KHDRBS2: variants seen among roughly 807,000 people sequenced by gnomAD.
The protein encoded by KHDRBS2 is KH domain-containing, RNA-binding, signal transduction-associated protein 2.
KHDRBS2 carries 26 observed loss-of-function variants against 44.3 expected under a neutral mutation model. That is an observed-to-expected ratio of 0.59 (90% CI 0.43 to 0.81). The LOEUF is 0.81. Ranked by LOEUF, KHDRBS2 falls within the 40% of genes least tolerant of loss-of-function variation. The probability of loss-of-function intolerance (pLI) is 0.00; values close to 1 mark genes in which losing one functional copy is unlikely to be tolerated. For missense variants in KHDRBS2, 476 were observed against 433.1 expected (o/e 1.10, Z -0.88); for synonymous variants, 194 against 151.1 (o/e 1.28, Z -2.08).
chr6:61,819,186 A>C (rs1789478298), intron 6 of KHDRBS2, among the ~76,000 whole-genome samples: 1 of 152,042 alleles, frequency 6.6e-6, no homozygotes, highest in Non-Finnish European at 1.5e-5. Context: ...AAACTATAAA[A>C]TGATTTCATT....
the KHDRBS2 span, among the ~76,000 whole-genome samples, chr6:61,646,595 T>TTA: frequency 6.6e-6 from 1 of 152,178 alleles, no homozygotes; most frequent in East Asian, 1.9e-4. Context: ...TTTCTTGAAC[T>TTA]TATAAAGTTG....
At chr6:62,019,252 A>G (rs1781810473) in intron 3 of KHDRBS2, among the ~76,000 whole-genome samples, 1 of 152,080 alleles carries the variant, frequency 6.6e-6, no homozygotes, top group South Asian at 2.1e-4. Flanking sequence ...TGTTAACTGC[A>G]GGTTTTGCAT....
the KHDRBS2 span, among the ~76,000 whole-genome samples, chr6:61,628,602 C>A: frequency 2.0e-5 from 3 of 152,136 alleles, no homozygotes; most frequent in South Asian, 2.1e-4. Context: ...CTCCACTGAC[C>A]AAACAGTGCC....
intron 3 of KHDRBS2, among the ~76,000 whole-genome samples, chr6:62,019,036 T>C (rs1272105692): frequency 1.3e-5 from 2 of 152,196 alleles, no homozygotes; most frequent in East Asian, 1.9e-4. Flanking sequence ...TTATGTTAAA[T>C]AGATAGTAAC....
intron 2 of KHDRBS2, among the ~76,000 whole-genome samples, chr6:62,078,377 T>C (rs892701147): frequency 3.1e-4 from 47 of 152,182 alleles, no homozygotes; most frequent in African/African-American, 1.1e-3. Flanking sequence ...GTTACATGGC[T>C]TTATCAGAGA....
chr6:61,961,380 A>G (rs899156723), intron 4 of KHDRBS2, among the ~76,000 whole-genome samples: 5 of 151,696 alleles, frequency 3.3e-5, no homozygotes, highest in Admixed American at 6.6e-5. Context: ...GAAGGAAAGA[A>G]GGGAAGAAAG....
chr6:61,641,113 C>T, the KHDRBS2 span, among the ~76,000 whole-genome samples: 2 of 152,126 alleles, frequency 1.3e-5, no homozygotes, highest in Non-Finnish European at 2.9e-5. Flanking sequence ...CACCATTAAG[C>T]TCTTCCCTCC....
At chr6:61,566,262 G>A in the KHDRBS2 span, among the ~76,000 whole-genome samples, 1 of 152,170 alleles carries the variant, frequency 6.6e-6, no homozygotes, top group Non-Finnish European at 1.5e-5. Flanking sequence ...AGGATAAAGA[G>A]AGGTTGGCTA....
chr6:61,948,259 T>C (rs552267674), intron 4 of KHDRBS2, among the ~76,000 whole-genome samples: 16 of 152,248 alleles, frequency 1.1e-4, no homozygotes, highest in Non-Finnish European at 2.1e-4. Flanking sequence ...GTAAGTGGCT[T>C]TTTAGTCTAA....
intron 2 of KHDRBS2, among the ~76,000 whole-genome samples, chr6:62,052,143 C>T (rs1171770814): frequency 3.3e-5 from 5 of 151,766 alleles, no homozygotes; most frequent in Non-Finnish European, 7.4e-5. Context: ...GGGCATATAC[C>T]CAAAGGAAAT....
intron 1 of KHDRBS2, among the ~76,000 whole-genome samples, chr6:62,182,414 A>G (rs1822508757): frequency 6.6e-6 from 1 of 152,040 alleles, no homozygotes. Context: ...AGTTAACATT[A>G]CTGTATTGTT....
At chr6:61,958,892 C>A (rs568722656) in intron 4 of KHDRBS2, among the ~76,000 whole-genome samples, 2 of 152,216 alleles carry the variant, frequency 1.3e-5, no homozygotes, top group African/African-American at 4.8e-5. Flanking sequence ...GACATAAACC[C>A]ACTCTGAGTC....
the KHDRBS2 span, among the ~76,000 whole-genome samples, chr6:61,625,143 C>T: frequency 6.6e-6 from 1 of 151,776 alleles, no homozygotes; most frequent in African/African-American, 2.4e-5. Context: ...GGTTAATTGA[C>T]ATGTGCAGCA....
At chr6:61,901,716 G>T (rs560847620) in intron 4 of KHDRBS2, among the ~76,000 whole-genome samples, 1 of 152,018 alleles carries the variant, frequency 6.6e-6, no homozygotes, top group Admixed American at 6.6e-5. Flanking sequence ...TTAATATGAC[G>T]ATTACTACAA....
intron 2 of KHDRBS2, among the ~76,000 whole-genome samples, chr6:62,074,562 C>A (rs1003398524): frequency 3.3e-5 from 5 of 151,818 alleles, no homozygotes; most frequent in African/African-American, 1.2e-4. Flanking sequence ...CATTTTGTAC[C>A]TTCTACATAT....
chr6:61,914,500 G>T (rs1806629527), intron 4 of KHDRBS2, among the ~76,000 whole-genome samples: 1 of 149,632 alleles, frequency 6.7e-6, no homozygotes, highest in South Asian at 2.1e-4. Context: ...CACACACCGG[G>T]GTCTGTTGTG....
chr6:61,974,624 CTATT>C (rs1415150917), intron 4 of KHDRBS2, among the ~76,000 whole-genome samples: 2 of 151,566 alleles, frequency 1.3e-5, no homozygotes, highest in Non-Finnish European at 2.9e-5. Context: ...CCTTGACACT[CTATT>C]TGTTTTGAAA....
chr6:61,925,957 T>C (rs774991066), intron 4 of KHDRBS2, among the ~76,000 whole-genome samples: 2 of 152,162 alleles, frequency 1.3e-5, no homozygotes, highest in African/African-American at 2.4e-5. Context: ...ATGTCTATAA[T>C]GTAGGTAGTA....
At chr6:61,628,161 C>A in the KHDRBS2 span, among the ~76,000 whole-genome samples, 3 of 146,994 alleles carry the variant, frequency 2.0e-5, no homozygotes, top group African/African-American at 7.6e-5. Flanking sequence ...TTCCCATAAA[C>A]CTCTTATGTG....
Sources: gnomAD v4.1 joint callset for allele counts (sites outside exome capture counted in the v4.1 genomes callset) on GRCh38, gnomAD v4.1.1 for gene constraint, MANE v1.5 for transcripts, NCBI Gene and HGNC (gene_info 2026-07-23, HGNC 2026-07-21) for gene names.